ACO1: variants seen among roughly 807,000 people sequenced by gnomAD.
ACO1 encodes the protein cytoplasmic aconitate hydratase.
ACO1 carries 78 observed loss-of-function variants against 105.1 expected under a neutral mutation model. The ratio of observed to expected loss-of-function variants is 0.74; its 90% CI spans 0.62 to 0.90. The LOEUF (loss-of-function observed/expected upper bound fraction) is 0.90. Ranked by LOEUF, ACO1 falls within the 40% of genes least tolerant of loss-of-function variation. ACO1 has a pLI of 0.00. For synonymous variants in ACO1, 364 were observed against 397.4 expected (o/e 0.92, Z 1.00); for missense variants, 965 against 1,111.1 (o/e 0.87, Z 1.87).
intron 19 of ACO1, 57 bp downstream of exon 19, chr9:32,440,644 C>T (rs1822459945): frequency 3.2e-6 from 5 of 1,582,522 alleles, no homozygotes; most frequent in Non-Finnish European, 4.3e-6. Context: ...GGAGGGTCCC[C>T]AGGCACAAAT....
Position 32,448,988 on chromosome 9 carries a change from TGA to T in ACO1, c.2466_2467del (p.Asn823CysfsTer43). 1 of 1,614,020 alleles carries T rather than the reference TGA, an allele frequency of 6.2e-7. No homozygotes were observed. On this transcript the variant is annotated frameshift_variant, in exon 20 of 21. Coordinates refer to ENST00000309951, the MANE Select transcript of ACO1 (RefSeq NM_002197.3). LOFTEE classifies it high-confidence loss of function. ...TGATCCCACTTGAATATCTCCCTGG[TGA>T]GAATGCAGATGCCCTGGGGCTCACA... The part of the protein sequence containing the change: ...GVIPLEYLPG[E>X]NADALGLTGQ...
At position 32,431,706 on chromosome 9, in the gene ACO1, A is replaced by AT. The variant is rs540276819; in HGVS notation, c.1727-7dup. 3 of 1,613,416 alleles carry AT rather than the reference A, an allele frequency of 1.9e-6. No homozygotes were observed. The highest frequency in any genetic ancestry group is 2.2e-5 in the South Asian group (2 of 91,000). Reference sequence around the variant, plus strand: ...TTAGAAAGTTTTCTCATTAATAAACATTTTTTCCCCAGGAGTAAATGCAAA... The same window carrying AT: ...TTAGAAAGTTTTCTCATTAATAAACATTTTTTTCCCCAGGAGTAAATGCAAA... On this transcript the variant is annotated splice_polypyrimidine_tract_variant and intron_variant, in intron 14 of 20. Coordinates refer to ENST00000309951, the MANE Select transcript of ACO1 (RefSeq NM_002197.3).
Position 32,439,194 on chromosome 9 carries a change from A to C in ACO1, c.2248-1271A>C, listed in dbSNP as rs973193441. ...AAGCACACACTCTCACATTGTTAAT[A>C]CCCAAAGCTACAGTCTCTGAAAATA... On this transcript the variant is annotated intron_variant, in intron 18 of 20. Transcript: ENST00000309951. The surrounding 1 kb of genome is among the most constrained non-coding windows in gnomAD (Gnocchi z 4.0). Among the ~76,000 whole-genome samples the C allele has an allele frequency of 1.8e-4, 27 of 152,226 alleles. No individual in the cohort carries two copies. Among genetic ancestry groups the C allele is most frequent in the African/African-American group, 5.8e-4 (24 of 41,454 alleles).
At chr9:32,432,970 T>C (rs1475285581) in intron 15 of ACO1, among the ~76,000 whole-genome samples, 1 of 152,060 alleles carries the variant, frequency 6.6e-6, no homozygotes, top group African/African-American at 2.4e-5. Flanking sequence ...TGCACTGAGG[T>C]CCTCCGTTTC....
chr9:32,447,940 G>C (rs1399596622), intron 19 of ACO1, among the ~76,000 whole-genome samples: 1 of 152,214 alleles, frequency 6.6e-6, no homozygotes, highest in Non-Finnish European at 1.5e-5. Context: ...TCCTCTGGAA[G>C]CTTTGTCCCA....
chr9:32,449,654 C>T (rs1023287814), intron 20 of ACO1, among the ~76,000 whole-genome samples: 1 of 152,156 alleles, frequency 6.6e-6, no homozygotes, highest in African/African-American at 2.4e-5. Context: ...ATACTTCTGT[C>T]CACAGGGAGC....
In ACO1 at chr9:32,440,541, G is replaced by C. The variant is rs1162094754; in HGVS notation, c.2324G>C (p.Gly775Ala). The change falls in exon 19 of 21, where the codon GGT becomes GCT. Residue 775 changes from glycine to alanine, a missense_variant. Transcript: ENST00000309951. ...ATCGTTCTGGCTGGCAAAGAGTACG[G>C]TGCAGGCAGCTCCCGAGACTGGGCA... ...PLIVLAGKEY[G>A]AGSSRDWAAK... 1 of 1,614,076 alleles carries C rather than the reference G, an allele frequency of 6.2e-7. No individual in the cohort carries two copies. The highest frequency in any genetic ancestry group is 1.7e-5 in the Admixed American group (1 of 60,026).
At chr9:32,443,869 A>T (rs913969754) in intron 19 of ACO1, among the ~76,000 whole-genome samples, 1 of 152,212 alleles carries the variant, frequency 6.6e-6, no homozygotes, top group African/African-American at 2.4e-5. Context: ...GTTCTGGGGT[A>T]CATGTGCAGA....
intron 19 of ACO1, among the ~76,000 whole-genome samples, chr9:32,447,048 A>G (rs1161337157): frequency 6.6e-6 from 1 of 151,982 alleles, no homozygotes; most frequent in Non-Finnish European, 1.5e-5. Context: ...TGAATCTGAC[A>G]ATTATGGGTC....
intron 4 of ACO1, among the ~76,000 whole-genome samples, chr9:32,413,380 C>G (rs765566109): frequency 6.7e-6 from 1 of 150,158 alleles, no homozygotes; most frequent in South Asian, 2.1e-4. Context: ...GCTACTCAGG[C>G]GGCTGAGACA....
rs1822734030 is a variant in ACO1, at chr9:32,450,296, T to G, written c.*185T>G. 2.9e-6 allele frequency: 2 copies of G among 691,898 alleles called. No individual in the cohort carries two copies. Among genetic ancestry groups the G allele is most frequent in the Admixed American group, 4.3e-5 (2 of 47,048 alleles). 42.9% of individuals were successfully genotyped at this position (691,898 alleles called of 1,614,324 possible). A position where few individuals can be genotyped will look rare whatever the true frequency, so the allele number is the denominator to read the frequency against. The stretch of plus-strand genomic sequence containing the variant: ...CCAGAAGTTTCTACATTCTCTATTT[T>G]TGTTAATCATCTTCTCTTTTTCCAG... On this transcript the variant is annotated 3_prime_UTR_variant, in exon 21 of 21. Coordinates refer to ENST00000309951, the MANE Select transcript of ACO1 (RefSeq NM_002197.3).
intron 4 of ACO1, among the ~76,000 whole-genome samples, chr9:32,409,435 A>G (rs1236915255): frequency 1.3e-5 from 2 of 152,168 alleles, no homozygotes; most frequent in Non-Finnish European, 2.9e-5. Context: ...TAGACACCTA[A>G]TGGTCTATGA....
At chr9:32,387,428 T>C (rs959563290) in intron 1 of ACO1, among the ~76,000 whole-genome samples, 2 of 152,170 alleles carry the variant, frequency 1.3e-5, no homozygotes, top group African/African-American at 4.8e-5. Context: ...AATTGGCAAA[T>C]GCTACATCAG....
chr9:32,454,692 A>G lies in ACO1; in HGVS notation c.*4581A>G, dbSNP rs1401030547. ...TACCTGCTCATTTCTTTCATTCAAT[A>G]CATATTAACCAAGTGCCTACTTTGT... On this transcript the variant is annotated 3_prime_UTR_variant, in exon 21 of 21. Coordinates refer to ENST00000309951, the MANE Select transcript of ACO1 (RefSeq NM_002197.3). The G allele has an allele frequency of 1.3e-5, 2 of 152,314 alleles. No homozygotes were observed. Among genetic ancestry groups the G allele is most frequent in the East Asian group, 3.9e-4 (2 of 5,188 alleles). The allele number at this position is 152,314 out of a possible 1,614,324, so 9.4% of individuals were successfully genotyped here. A position where few individuals can be genotyped will look rare whatever the true frequency, so the allele number is the denominator to read the frequency against.
intron 19 of ACO1, 36 bp downstream of exon 19, chr9:32,440,623 C>T: frequency 6.2e-7 from 1 of 1,607,272 alleles, no homozygotes. Flanking sequence ...AGGCAGCTCC[C>T]CTCTGAACTG....
chr9:32,416,344 C>T (rs1041592973), intron 4 of ACO1, among the ~76,000 whole-genome samples: 2 of 152,112 alleles, frequency 1.3e-5, no homozygotes, highest in African/African-American at 4.8e-5. Context: ...CTGCCCGCCT[C>T]AGCCTCCCAA....
intron 2 of ACO1, 88 bp downstream of exon 2, chr9:32,405,691 A>C: frequency 1.1e-6 from 1 of 943,922 alleles, no homozygotes; most frequent in Non-Finnish European, 1.6e-6. Context: ...GAGTTTGAAG[A>C]GGGAGTAGCA....
At position 32,440,536 on chromosome 9, in the gene ACO1, G is replaced by A. The variant is rs1191072838; in HGVS notation, c.2319G>A (p.Glu773=). The change falls in exon 19 of 21, where the codon GAG becomes GAA. Residue 773 remains glutamate (E), a synonymous_variant. Transcript: ENST00000309951. The stretch of plus-strand genomic sequence containing the variant: ...CCCTGATCGTTCTGGCTGGCAAAGA[G>A]TACGGTGCAGGCAGCTCCCGAGACT... ...GLPLIVLAGK[E]YGAGSSRDWA... is the part of the protein sequence containing the mutation. 3.7e-6 allele frequency: 6 copies of A among 1,613,934 alleles called. No individual in the cohort carries two copies. In the East Asian group the frequency reaches 1.3e-4, roughly 36 times the overall value.
chr9:32,401,720 C>T (rs757270800), intron 1 of ACO1, among the ~76,000 whole-genome samples: 11 of 152,196 alleles, frequency 7.2e-5, no homozygotes, highest in Non-Finnish European at 1.5e-4. Context: ...TTCACTCCTC[C>T]CACCCTTTTA....
Sources: gnomAD v4.1 joint callset for allele counts (sites outside exome capture counted in the v4.1 genomes callset) on GRCh38, gnomAD v4.1.1 for gene constraint, Gnocchi (gnomAD v3.1) non-coding constraint, MANE v1.5 for transcripts, NCBI Gene and HGNC (gene_info 2026-07-23, HGNC 2026-07-21) for gene names.